Variants in KCNIP4 observed in about 807,000 individuals in gnomAD.
The protein encoded by KCNIP4 is potassium voltage-gated channel interacting protein 4.
In KCNIP4, 12 loss-of-function variants were observed where a neutral mutation model predicts 34.0. The ratio of observed to expected loss-of-function variants is 0.35; its 90% CI spans 0.23 to 0.57. The LOEUF (loss-of-function observed/expected upper bound fraction) is 0.57. Among genes scored for constraint, KCNIP4 ranks in the 20% least tolerant of loss-of-function variants. KCNIP4 has a pLI of 0.83. For synonymous variants in KCNIP4, 124 were observed against 102.2 expected, an observed-to-expected ratio of 1.21 and a Z score of -1.29; for missense variants, 238 against 311.7, an observed-to-expected ratio of 0.76 and a Z score of 1.78.
chr4:21,613,669 T>C (rs1185162844), intron 1 of KCNIP4: 1 of 152,194 alleles, frequency 6.6e-6, no homozygotes, highest in Non-Finnish European at 1.5e-5. Flanking sequence ...TAAAATAATC[T>C]CAAAATCCCT....
intron 1 of KCNIP4, among the ~76,000 whole-genome samples, chr4:21,072,487 G>GT (rs144591968): frequency 0.049 from 7,334 of 148,908 alleles, 543 homozygotes; most frequent in African/African-American, 0.17. Flanking sequence ...TTTTGATGGG[G>GT]TTTTTTTTTT....
chr4:21,556,930 A>AAAAAAAAAAAAAACAAAAAAAAAC (rs1739102439), intron 1 of KCNIP4, among the ~76,000 whole-genome samples: 8 of 108,192 alleles, frequency 7.4e-5, no homozygotes, highest in African/African-American at 1.3e-4. Context: ...CAGAAAAAAA[A>AAAAAAAAAAAAAACAAAAAAAAAC]AAAAAAAAAA....
chr4:20,919,005 A>G (rs1231353784), intron 1 of KCNIP4, among the ~76,000 whole-genome samples: 10 of 152,158 alleles, frequency 6.6e-5, no homozygotes, highest in Non-Finnish European at 1.0e-4. Context: ...TAAAGGCCCA[A>G]TGGTAAGAAT....
At chr4:21,608,153 TCTGTATTCTTCCA>T (rs1743861070) in intron 1 of KCNIP4, among the ~76,000 whole-genome samples, 1 of 152,196 alleles carries the variant, frequency 6.6e-6, no homozygotes, top group Non-Finnish European at 1.5e-5. Flanking sequence ...TTCTATTCCC[TCTGTATTCTTCCA>T]CAACTAATTA....
chr4:21,738,718 C>T (rs1306437814), intron 1 of KCNIP4, among the ~76,000 whole-genome samples: 1 of 152,126 alleles, frequency 6.6e-6, no homozygotes, highest in African/African-American at 2.4e-5. Flanking sequence ...TGTCATAACA[C>T]CTCCAAATAT....
At chr4:21,703,235 G>A (rs1713004502) in intron 1 of KCNIP4, among the ~76,000 whole-genome samples, 1 of 152,060 alleles carries the variant, frequency 6.6e-6, no homozygotes, top group African/African-American at 2.4e-5. Flanking sequence ...ACATAGTGTT[G>A]GAAGTGCTAG....
At chr4:21,327,103 TTC>T (rs1440052436) in intron 1 of KCNIP4, among the ~76,000 whole-genome samples, 36 of 152,178 alleles carry the variant, frequency 2.4e-4, no homozygotes, top group South Asian at 8.3e-4. Context: ...TGATATAATA[TTC>T]TGTGTTCTTA....
chr4:21,848,944 A>ATGTGTGTGTGTGTGTGTG (rs199564603), intron 1 of KCNIP4: 2 of 57,312 alleles, frequency 3.5e-5, no homozygotes, highest in African/African-American at 1.3e-4. Flanking sequence ...TGATATACAT[A>ATGTGTGTGTGTGTGTGTG]TATGTGTGTG....
At chr4:20,841,802 TC>T (rs1719753122) in intron 3 of KCNIP4, among the ~76,000 whole-genome samples, 1 of 151,720 alleles carries the variant, frequency 6.6e-6, no homozygotes, top group Non-Finnish European at 1.5e-5. Flanking sequence ...AACTGGTAGT[TC>T]CCCACTATCC....
rs187574184 is a variant in KCNIP4 at position 21,899,170 on chromosome 4, A to G, written c.61+49401T>C. ...CAATGTGATACATAATGTCAAAAGA[A>G]TGAAGAGCAAAATCCAAATGATTAT... On this transcript the variant is annotated intron_variant, in intron 1 of 8. Transcript: ENST00000382152. 1.9e-4 allele frequency among the ~76,000 whole-genome samples: 29 copies of G among 152,346 alleles called. 1 individual carries two copies. Among genetic ancestry groups the G allele is most frequent in the African/African-American group, 5.3e-4 (22 of 41,586 alleles).
chr4:21,598,500 T>C (rs1055134157), intron 1 of KCNIP4, among the ~76,000 whole-genome samples: 1 of 152,186 alleles, frequency 6.6e-6, no homozygotes, highest in African/African-American at 2.4e-5. Flanking sequence ...AATAAAACTT[T>C]ATTTACAAAA....
At chr4:21,439,069 G>A (rs1360580429) in intron 1 of KCNIP4, among the ~76,000 whole-genome samples, 3 of 151,872 alleles carry the variant, frequency 2.0e-5, no homozygotes, top group Non-Finnish European at 4.4e-5. Flanking sequence ...GGCTGAGGCA[G>A]GAGAATGGCG....
intron 1 of KCNIP4, among the ~76,000 whole-genome samples, chr4:21,334,977 T>A (rs556957257): frequency 6.6e-6 from 1 of 152,246 alleles, no homozygotes; most frequent in South Asian, 2.1e-4. Context: ...TGTATACAAG[T>A]CTTTTTCTAC....
At chr4:20,878,672 G>C (rs2149519639) in intron 2 of KCNIP4, among the ~76,000 whole-genome samples, 1 of 152,214 alleles carries the variant, frequency 6.6e-6, no homozygotes, top group South Asian at 2.1e-4. Flanking sequence ...TGGAATGAAT[G>C]ACCAAATAAC....
chr4:21,373,997 ACCCAG>A (rs1720733673), intron 1 of KCNIP4, among the ~76,000 whole-genome samples: 1 of 147,212 alleles, frequency 6.8e-6, no homozygotes, highest in East Asian at 2.0e-4. Context: ...GAGCCACCAC[ACCCAG>A]CCTAGGGTTT....
intron 3 of KCNIP4, among the ~76,000 whole-genome samples, chr4:20,849,107 T>G (rs1286303064): frequency 6.6e-6 from 1 of 152,158 alleles, no homozygotes; most frequent in Non-Finnish European, 1.5e-5. Flanking sequence ...TTTCCCTTTA[T>G]GCATGTTTAT....
intron 3 of KCNIP4, among the ~76,000 whole-genome samples, chr4:20,783,301 A>T (rs1194680603): frequency 6.6e-6 from 1 of 152,182 alleles, no homozygotes; most frequent in Non-Finnish European, 1.5e-5. Flanking sequence ...ATTTTCAGGT[A>T]TCTTTTCAGC....
At chr4:21,316,481 A>T (rs1713771947) in intron 1 of KCNIP4, 1 of 152,218 alleles carries the variant, frequency 6.6e-6, no homozygotes, top group East Asian at 1.9e-4. Flanking sequence ...AATTTTTCAC[A>T]TTAAGCATTT....
At chr4:21,519,418 A>G (rs1387886830) in intron 1 of KCNIP4, among the ~76,000 whole-genome samples, 1 of 103,074 alleles carries the variant, frequency 9.7e-6, no homozygotes, top group Non-Finnish European at 2.2e-5. Flanking sequence ...ATGTATGTGT[A>G]TATATACACA....
Sources: allele counts gnomAD v4.1 joint callset (sites outside exome capture counted in the v4.1 genomes callset), GRCh38; gene constraint gnomAD v4.1.1; transcripts MANE v1.5; gene names NCBI Gene and HGNC (gene_info 2026-07-23, HGNC 2026-07-21).